Variants in PCDHGA7 observed in about 807,000 individuals in gnomAD.
PCDHGA7 encodes protocadherin gamma-A7.
PCDHGA7 carries 44 observed loss-of-function variants against 58.3 expected under a neutral mutation model. The ratio of observed to expected loss-of-function variants is 0.75; its 90% CI spans 0.59 to 0.97. PCDHGA7 has a LOEUF of 0.97. Ranked by LOEUF, PCDHGA7 falls within the 50% of genes least tolerant of loss-of-function variation. The probability of loss-of-function intolerance (pLI) is 0.00; values close to 1 mark genes in which losing one functional copy is unlikely to be tolerated. For synonymous variants in PCDHGA7, 516 were observed against 504.2 expected (o/e 1.02, Z -0.31); for missense variants, 1,266 against 1,188.7 (o/e 1.06, Z -0.96).
chr5:141,441,867 G>T, intron 1 of PCDHGA7: 1 of 345,800 alleles, frequency 2.9e-6, no homozygotes, highest in Non-Finnish European at 5.6e-6. Flanking sequence ...ACGCCGCGGA[G>T]CCTGGCTACC....
Position 141,489,576 on chromosome 5 carries a change from C to G in PCDHGA7, c.2425-5231C>G. 6.2e-7 allele frequency: 1 copy of G among 1,614,054 alleles called. No individual in the cohort carries two copies. Among genetic ancestry groups the G allele is most frequent in the Non-Finnish European group, 8.5e-7 (1 of 1,179,976 alleles). On this transcript the variant is annotated intron_variant, in intron 1 of 3. Coordinates refer to ENST00000518325, the MANE Select transcript of PCDHGA7 (RefSeq NM_018920.4). This position sits in a 1 kb window ranked among gnomAD's most constrained non-coding sequence, Gnocchi z 4.5. ...TGCCAGTGCAGGTGGTGACTGAACA[C>G]CCCCTGGAGCTAATCCGTGTAGAGG...
Position 141,431,877 on chromosome 5 carries a change from A to G in PCDHGA7, c.2424+46554A>G. On this transcript the variant is annotated intron_variant, in intron 1 of 3. Coordinates refer to ENST00000518325, the MANE Select transcript of PCDHGA7 (RefSeq NM_018920.4). The surrounding 1 kb of genome is among the most constrained non-coding windows in gnomAD (Gnocchi z 4.8). ...TTAATTGCCCTTTTAAATGTAAATG[A>G]CCAAGATTCTGAGGAAAACGGACAG... is the stretch of plus-strand genomic sequence containing the variant. 8 of 1,614,230 alleles carry G rather than the reference A, an allele frequency of 5.0e-6. No individual in the cohort carries two copies. Among genetic ancestry groups the G allele is most frequent in the Non-Finnish European group, 6.8e-6 (8 of 1,180,016 alleles).
chr5:141,502,667 T>G (rs2099815574), intron 2 of PCDHGA7, among the ~76,000 whole-genome samples: 1 of 152,236 alleles, frequency 6.6e-6, no homozygotes. Context: ...TTCATGCAAT[T>G]TTAGTATTCC....
chr5:141,486,654 T>C lies in PCDHGA7; in HGVS notation c.2425-8153T>C. ...TTGAATGCGCTTATCTCCTACTCAC[T>C]CCTGGAGCCCAGGAATCGAGATGTA... is the stretch of plus-strand genomic sequence containing the variant. On this transcript the variant is annotated intron_variant, in intron 1 of 3. Coordinates refer to ENST00000518325, the MANE Select transcript of PCDHGA7 (RefSeq NM_018920.4). The surrounding 1 kb of genome is among the most constrained non-coding windows in gnomAD (Gnocchi z 5.0). The C allele has an allele frequency of 2.5e-6, 4 of 1,613,922 alleles. No individual in the cohort carries two copies. Among genetic ancestry groups the C allele is most frequent in the Non-Finnish European group, 3.4e-6 (4 of 1,180,026 alleles).
chr5:141,415,761 T>A (rs1047830043), intron 1 of PCDHGA7: 2 of 1,399,648 alleles, frequency 1.4e-6, no homozygotes, highest in African/African-American at 3.0e-5. Context: ...TTTTTTTTTT[T>A]TTTTTTTTTT....
intron 1 of PCDHGA7, among the ~76,000 whole-genome samples, chr5:141,494,399 T>A (rs2099754028): frequency 6.6e-6 from 1 of 152,146 alleles, no homozygotes; most frequent in South Asian, 2.1e-4. Context: ...ATAAATTCAT[T>A]CTAGGGCTGG....
rs1358516648 is a variant in PCDHGA7, at chr5:141,489,199, A to C, written c.2425-5608A>C. The C allele has an allele frequency of 1.4e-6, 2 of 1,395,234 alleles. No individual in the cohort carries two copies. The highest frequency in any genetic ancestry group is 2.8e-5 in the South Asian group (2 of 71,520). The allele number at this position is 1,395,234 out of a possible 1,614,324, so 86.4% of individuals were successfully genotyped here. ...CAAGCCCTGGGTCTACCTTGGAGAC[A>C]GGACAGCACAGACTTACTCTCCACA... On this transcript the variant is annotated intron_variant, in intron 1 of 3. Transcript: ENST00000518325. The surrounding 1 kb of genome is among the most constrained non-coding windows in gnomAD (Gnocchi z 4.5).
chr5:141,385,549 C>T, intron 1 of PCDHGA7: 3 of 1,316,166 alleles, frequency 2.3e-6, no homozygotes, highest in East Asian at 2.9e-5. Context: ...TGGACTATCA[C>T]ATTTTATAAT....
At chr5:141,422,849 C>G in intron 1 of PCDHGA7, 1 of 1,614,238 alleles carries the variant, frequency 6.2e-7, no homozygotes, top group East Asian at 2.2e-5. Flanking sequence ...AGCGGGGACC[C>G]GCCCCTCAGC....
intron 1 of PCDHGA7, chr5:141,400,422 T>C (rs1460679509): frequency 1.2e-6 from 2 of 1,613,936 alleles, no homozygotes; most frequent in Non-Finnish European, 1.7e-6. Flanking sequence ...TCCTAAAATG[T>C]AGTGAGCAAT....
In PCDHGA7 at chr5:141,383,658, G is replaced by A; in HGVS notation, c.759G>A (p.Glu253=). The A allele has an allele frequency of 6.2e-7, 1 of 1,614,036 alleles. No individual in the cohort carries two copies. Among genetic ancestry groups the A allele is most frequent in the Admixed American group, 1.7e-5 (1 of 60,030 alleles). ...CTCAGTACCAAGTAACTGTCCCCGA[G>A]AATGTGCCAGTGGGTACAAGACTGC... ...SLPQYQVTVP[E]NVPVGTRLLT... is the part of the protein sequence containing the mutation. Residue 253 remains glutamate, a synonymous_variant, in exon 1 of 4, where the codon GAG becomes GAA. Transcript: ENST00000518325.
chr5:141,383,152 G>A lies in PCDHGA7; in HGVS notation c.253G>A (p.Val85Ile), dbSNP rs200500982. 5.1e-5 allele frequency: 83 copies of A among 1,614,124 alleles called. No individual in the cohort carries two copies. The African/African-American group carries it at 8.8e-4, about 17-fold the overall frequency. Reference protein sequence around the residue: ...FALNQRSGSLVTAGRIDREEI... With the variant: ...FALNQRSGSLITAGRIDREEI... Reference sequence around the variant, plus strand: ...CCTGAACCAGCGCAGCGGCAGCTTGGTCACTGCGGGCAGGATAGACCGGGA... The same window carrying A: ...CCTGAACCAGCGCAGCGGCAGCTTGATCACTGCGGGCAGGATAGACCGGGA... Residue 85 changes from valine to isoleucine, a missense_variant, in exon 1 of 4, where the codon GTC (valine) becomes ATC (isoleucine). Coordinates refer to ENST00000518325, the MANE Select transcript of PCDHGA7 (RefSeq NM_018920.4).
At chr5:141,501,869 C>G (rs1595765055) in intron 2 of PCDHGA7, among the ~76,000 whole-genome samples, 1 of 152,130 alleles carries the variant, frequency 6.6e-6, no homozygotes, top group Non-Finnish European at 1.5e-5. Context: ...CCCAGGACGC[C>G]TCCTTACACT....
rs1046764113 is a variant in PCDHGA7, at chr5:141,495,395, G to A, written c.2483+530G>A. Among the ~76,000 whole-genome samples the A allele has an allele frequency of 4.1e-4, 62 of 152,326 alleles. 1 individual carries two copies. The highest frequency in any genetic ancestry group is 1.4e-3 in the African/African-American group (57 of 41,576). On this transcript the variant is annotated intron_variant, in intron 2 of 3. Transcript: ENST00000518325. Reference sequence around the variant, plus strand: ...GAGGAAGGACTGGGCGGGGCATGGAGCAGGCCCCCTTCTCCGGCCCCTCCT... The same window carrying A: ...GAGGAAGGACTGGGCGGGGCATGGAACAGGCCCCCTTCTCCGGCCCCTCCT...
chr5:141,499,054 TGAA>T (rs2099789231), intron 2 of PCDHGA7, among the ~76,000 whole-genome samples: 1 of 150,820 alleles, frequency 6.6e-6, no homozygotes, highest in Non-Finnish European at 1.5e-5. Context: ...GGAGAAAAAA[TGAA>T]GAAGACTTAC....
rs368512862 is a variant in PCDHGA7 at position 141,491,734 on chromosome 5, G to T, written c.2425-3073G>T. ...CTCGGCGCCGCCCCGGGCGACCCCT[G>T]GGGGCGGCACTGGAGAAGCCGCCCG... On this transcript the variant is annotated intron_variant, in intron 1 of 3. Transcript: ENST00000518325. The surrounding 1 kb of genome is among the most constrained non-coding windows in gnomAD (Gnocchi z 6.9). 2.5e-4 allele frequency: 403 copies of T among 1,602,056 alleles called. No individual in the cohort carries two copies. Among genetic ancestry groups the T allele is most frequent in the Non-Finnish European group, 3.2e-4 (380 of 1,174,948 alleles).
intron 1 of PCDHGA7, chr5:141,389,363 C>T (rs776814041): frequency 1.2e-6 from 2 of 1,613,868 alleles, no homozygotes; most frequent in South Asian, 2.2e-5. Flanking sequence ...TGGCCAGTGA[C>T]CTGGAGCAGC....
chr5:141,421,863 C>T (rs767555107), intron 1 of PCDHGA7: 1 of 1,613,746 alleles, frequency 6.2e-7, no homozygotes, highest in Non-Finnish European at 8.5e-7. Flanking sequence ...ACCTGCTCCT[C>T]CTCACAGCTT....
chr5:141,420,458 C>A, intron 1 of PCDHGA7: 3 of 925,194 alleles, frequency 3.2e-6, no homozygotes, highest in Non-Finnish European at 2.9e-6. Context: ...TCCTACTATT[C>A]AAAGACATTT....
Sources: allele counts gnomAD v4.1 joint callset (sites outside exome capture counted in the v4.1 genomes callset), GRCh38; gene constraint gnomAD v4.1.1; non-coding constraint Gnocchi (gnomAD v3.1); transcripts MANE v1.5; gene names NCBI Gene and HGNC (gene_info 2026-07-23, HGNC 2026-07-21).